ARHGAP6: variants seen among roughly 807,000 people sequenced by gnomAD.
ARHGAP6 encodes Rho GTPase activating protein 6, also known as rho GTPase-activating protein 6.
Under a neutral mutation model 55.7 loss-of-function variants are expected in ARHGAP6, and 16 were observed. The observed-to-expected ratio is 0.29, with a 90% CI of 0.19 to 0.44. ARHGAP6 has a LOEUF of 0.44. ARHGAP6 is among the 20% of genes least tolerant of loss of function. The pLI is 1.00. For missense variants in ARHGAP6, 698 were observed against 808.9 expected (o/e 0.86, Z 1.66); for synonymous variants, 382 against 360.9 (o/e 1.06, Z -0.66).
intron 1 of ARHGAP6, among the ~76,000 whole-genome samples, chrX:11,511,207 T>A (rs931356087): frequency 1.8e-5 from 2 of 112,227 alleles, no homozygotes; most frequent in Non-Finnish European, 3.8e-5. Flanking sequence ...TGCTATTGTA[T>A]CATATTGCCA....
intron 1 of ARHGAP6, among the ~76,000 whole-genome samples, chrX:11,480,380 C>A (rs56858675): frequency 0.086 from 9,522 of 110,416 alleles, 442 homozygotes; most frequent in Admixed American, 0.18. Context: ...ATGAAATATG[C>A]AGAATAGGCA....
chrX:11,235,458 G>A (rs187542439), intron 2 of ARHGAP6, among the ~76,000 whole-genome samples: 100 of 111,197 alleles, frequency 9.0e-4, no homozygotes, highest in Non-Finnish European at 1.5e-3. Flanking sequence ...TCTCTGACAT[G>A]CCCTGGAGAC....
At chrX:11,652,897 C>T (rs1212036483) in intron 1 of ARHGAP6, among the ~76,000 whole-genome samples, 1 of 111,750 alleles carries the variant, frequency 8.9e-6, no homozygotes, top group African/African-American at 3.3e-5. Flanking sequence ...TCTATTTGCT[C>T]GTAGAATGCT....
At chrX:11,240,684 GAAT>G (rs762898912) in intron 2 of ARHGAP6, among the ~76,000 whole-genome samples, 2 of 111,406 alleles carry the variant, frequency 1.8e-5, no homozygotes, top group East Asian at 5.6e-4. Flanking sequence ...CCAGATGAAT[GAAT>G]GCTATCTCTG....
intron 2 of ARHGAP6, among the ~76,000 whole-genome samples, chrX:11,221,946 C>T (rs765971045): frequency 9.0e-6 from 1 of 111,214 alleles, no homozygotes; most frequent in East Asian, 2.8e-4. Context: ...TCCATATGTA[C>T]TCAGAATTTT....
At chrX:11,507,614 T>A (rs2050747045) in intron 1 of ARHGAP6, among the ~76,000 whole-genome samples, 1 of 112,249 alleles carries the variant, frequency 8.9e-6, no homozygotes, top group South Asian at 3.7e-4. Flanking sequence ...TTCTAAAGGT[T>A]GAGGAACCTT....
chrX:11,479,361 A>G (rs1163854319), intron 1 of ARHGAP6, among the ~76,000 whole-genome samples: 1 of 112,262 alleles, frequency 8.9e-6, no homozygotes, highest in Admixed American at 9.4e-5. Context: ...CTCCAAAGAG[A>G]TTTAATGTTG....
At chrX:11,591,348 A>C (rs1209365570) in intron 1 of ARHGAP6, among the ~76,000 whole-genome samples, 1 of 109,271 alleles carries the variant, frequency 9.2e-6, no homozygotes, top group East Asian at 2.8e-4. Flanking sequence ...TTAAATTTAA[A>C]ATATGTTTTA....
intron 1 of ARHGAP6, among the ~76,000 whole-genome samples, chrX:11,655,295 ATATT>A (rs2052626055): frequency 8.9e-6 from 1 of 112,366 alleles, no homozygotes; most frequent in African/African-American, 3.2e-5. Context: ...CCGTTGATGA[ATATT>A]TAATTGTTTC....
intron 1 of ARHGAP6, among the ~76,000 whole-genome samples, chrX:11,616,344 T>C (rs1273506450): frequency 2.7e-5 from 3 of 110,758 alleles, no homozygotes; most frequent in East Asian, 5.6e-4. Context: ...CTTTTTTTCT[T>C]GAGATGGAGT....
chrX:11,235,812 C>T (rs1324804284), intron 2 of ARHGAP6, among the ~76,000 whole-genome samples: 1 of 111,641 alleles, frequency 9.0e-6, no homozygotes, highest in Non-Finnish European at 1.9e-5. Flanking sequence ...CTCAGCCTAA[C>T]TTCACTGTCC....
intron 1 of ARHGAP6, among the ~76,000 whole-genome samples, chrX:11,520,519 C>G (rs2050911336): frequency 9.1e-6 from 1 of 110,389 alleles, no homozygotes; most frequent in South Asian, 3.9e-4. Flanking sequence ...GCATAGTATT[C>G]CATGGTGTAT....
chrX:11,583,979 A>C (rs2051695137), intron 1 of ARHGAP6, among the ~76,000 whole-genome samples: 1 of 112,202 alleles, frequency 8.9e-6, no homozygotes, highest in South Asian at 3.7e-4. Flanking sequence ...GTCTTCAGCA[A>C]CATATAAGAA....
chrX:11,456,655 A>G (rs1284410959), intron 1 of ARHGAP6, among the ~76,000 whole-genome samples: 1 of 111,747 alleles, frequency 8.9e-6, no homozygotes, highest in East Asian at 2.8e-4. Context: ...TTCTCTGCAT[A>G]CCACAGTACG....
At chrX:11,334,058 A>G (rs1050259418) in intron 1 of ARHGAP6, among the ~76,000 whole-genome samples, 9 of 110,416 alleles carry the variant, frequency 8.2e-5, no homozygotes, top group Non-Finnish European at 1.7e-4. Flanking sequence ...CAATGTCGCT[A>G]CATGTTCTTT....
At chrX:11,540,707 G>A (rs1319604260) in intron 1 of ARHGAP6, among the ~76,000 whole-genome samples, 1 of 112,391 alleles carries the variant, frequency 8.9e-6, no homozygotes, top group Non-Finnish European at 1.9e-5. Flanking sequence ...TTCTATAGAA[G>A]AACATAGTGT....
intron 1 of ARHGAP6, among the ~76,000 whole-genome samples, chrX:11,506,469 T>A (rs909868142): frequency 1.8e-5 from 2 of 109,054 alleles, no homozygotes; most frequent in Non-Finnish European, 3.8e-5. Flanking sequence ...CAACTCCCAC[T>A]TATGAGTGAC....
chrX:11,433,371 T>C (rs1261837594), intron 1 of ARHGAP6, among the ~76,000 whole-genome samples: 1 of 111,779 alleles, frequency 8.9e-6, no homozygotes, highest in African/African-American at 3.3e-5. Context: ...TTTTTTGCCG[T>C]TTTGATATTT....
At chrX:11,436,873 T>C (rs2049991868) in intron 1 of ARHGAP6, among the ~76,000 whole-genome samples, 1 of 82,758 alleles carries the variant, frequency 1.2e-5, no homozygotes, top group Admixed American at 1.4e-4. Context: ...ACTGCAGAGC[T>C]TGGGGGTTGA....
Sources: gnomAD v4.1 joint callset for allele counts (sites outside exome capture counted in the v4.1 genomes callset) on GRCh38, gnomAD v4.1.1 for gene constraint, MANE v1.5 for transcripts, NCBI Gene and HGNC (gene_info 2026-07-23, HGNC 2026-07-21) for gene names.